The following FAM193A variants were observed in gnomAD, a reference collection of about 807,000 sequenced individuals.
FAM193A encodes the protein family with sequence similarity 193 member A.
FAM193A carries 22 observed loss-of-function variants against 126.5 expected under a neutral mutation model. That is an observed-to-expected ratio of 0.17 (90% CI 0.12 to 0.25). The LOEUF (loss-of-function observed/expected upper bound fraction) is 0.25. FAM193A is among the 10% of genes least tolerant of loss of function. The pLI is 1.00. For synonymous variants in FAM193A, 761 were observed against 646.8 expected, an observed-to-expected ratio of 1.18 and a Z score of -2.68; for missense variants, 1,675 against 1,672.8, an observed-to-expected ratio of 1.00 and a Z score of -0.02.
intron 13 of FAM193A, among the ~76,000 whole-genome samples, chr4:2,674,595 T>G (rs754600460): frequency 5.9e-5 from 9 of 152,208 alleles, no homozygotes; most frequent in Non-Finnish European, 1.2e-4. Context: ...GGGTCACAGT[T>G]TTTGCCTTTT....
chr4:2,629,294 G>C (rs1286899726), intron 4 of FAM193A, among the ~76,000 whole-genome samples: 2 of 151,322 alleles, frequency 1.3e-5, no homozygotes, highest in Non-Finnish European at 2.9e-5. Flanking sequence ...TTCTAAGTTT[G>C]GTTGTCTCTG....
chr4:2,579,258 G>A (rs1023514214), intron 1 of FAM193A, among the ~76,000 whole-genome samples: 5 of 152,088 alleles, frequency 3.3e-5, no homozygotes, highest in African/African-American at 1.2e-4. Context: ...ACTTTGGGAG[G>A]CCGAGGAGGG....
chr4:2,620,708 G>GGGT (rs145226577), intron 2 of FAM193A, among the ~76,000 whole-genome samples: 40,326 of 150,776 alleles, frequency 0.27, 5,825 homozygotes, highest in Middle Eastern at 0.39. Context: ...AATTAGCCAG[G>GGGT]GGTGGTGGTG....
intron 10 of FAM193A, among the ~76,000 whole-genome samples, chr4:2,662,255 A>G (rs770340577): frequency 3.3e-5 from 5 of 152,232 alleles, no homozygotes; most frequent in African/African-American, 4.8e-5. Flanking sequence ...ATGTCTTGCT[A>G]AAGCTGATAT....
chr4:2,690,051 C>A (rs1038498231), intron 14 of FAM193A, among the ~76,000 whole-genome samples: 3 of 152,206 alleles, frequency 2.0e-5, no homozygotes, highest in Non-Finnish European at 2.9e-5. Flanking sequence ...AGACCTCAGC[C>A]CCCCCGGTGC....
At chr4:2,610,084 T>C (rs1277374964) in intron 2 of FAM193A, among the ~76,000 whole-genome samples, 1 of 147,266 alleles carries the variant, frequency 6.8e-6, no homozygotes, top group Non-Finnish European at 1.5e-5. Flanking sequence ...ATACAAAAAT[T>C]AGTTGGGCTT....
intron 19 of FAM193A, among the ~76,000 whole-genome samples, chr4:2,703,798 T>C (rs1718003134): frequency 1.0e-5 from 1 of 95,474 alleles, no homozygotes; most frequent in Middle Eastern, 4.8e-3. Context: ...ACCCCATCTC[T>C]ACTAAAAAAA....
Position 2,700,032 on chromosome 4 carries a change from G to C in FAM193A, c.3860G>C (p.Arg1287Thr), listed in dbSNP as rs144805843. The C allele has an allele frequency of 1.2e-6, 2 of 1,613,944 alleles. No homozygotes were observed. The highest frequency in any genetic ancestry group is 1.7e-6 in the Non-Finnish European group (2 of 1,179,996). ...AGGCATATGAACCACTCAGAGCCCA[G>C]GCCAGGGCTAGGGGCTGATGGGGAT... ...PSRHMNHSEPRPGLGADGDAA... is the reference protein window; with the variant it reads ...PSRHMNHSEPTPGLGADGDAA... Residue 1287 changes from arginine (R) to threonine (T), a missense_variant, in exon 19 of 21, where the codon AGG becomes ACG. By Grantham distance (71) the Arg-to-Thr change is moderately conservative. Coordinates refer to ENST00000637812, the MANE Select transcript of FAM193A (RefSeq NM_001366318.2).
chr4:2,703,622 G>A (rs1174079885), intron 19 of FAM193A, among the ~76,000 whole-genome samples: 2 of 152,070 alleles, frequency 1.3e-5, no homozygotes, highest in African/African-American at 2.4e-5. Context: ...ATATTGTTTG[G>A]AGGTGTTTCC....
rs779666954 is a variant in FAM193A at position 2,663,010 on chromosome 4, C to T, written c.1899+19C>T. 1.9e-5 allele frequency: 30 copies of T among 1,600,296 alleles called. No individual in the cohort carries two copies. Among genetic ancestry groups the T allele is most frequent in the Non-Finnish European group, 2.4e-5 (28 of 1,168,814 alleles). ...GGATGAGGTATGGACATGGCTTCTT[C>T]GTAGCAACAATAAATGACATAAAAT... On this transcript the variant is annotated intron_variant, in intron 11 of 20. Coordinates refer to ENST00000637812, the MANE Select transcript of FAM193A (RefSeq NM_001366318.2).
In FAM193A at chr4:2,621,870, C is replaced by G. The variant is rs565625822; in HGVS notation, c.502-3392C>G. On this transcript the variant is annotated intron_variant, in intron 2 of 20. Transcript: ENST00000637812. ...TACCACTGCCCTCTCCTTGCCCTAC[C>G]ATGCCTCTTCAGTCAGAACTCCATG... Among the ~76,000 whole-genome samples, 19 of 152,250 alleles carry G rather than the reference C, an allele frequency of 1.2e-4. No homozygotes were observed. In the East Asian group the frequency reaches 3.7e-3, roughly 29 times the overall value.
At chr4:2,616,228 TCATCAG>T (rs1202127088) in intron 2 of FAM193A, among the ~76,000 whole-genome samples, 16 of 152,260 alleles carry the variant, frequency 1.1e-4, no homozygotes, top group Admixed American at 8.5e-4. Context: ...ACCACCATCA[TCATCAG>T]CATCAGCATC....
intron 2 of FAM193A, among the ~76,000 whole-genome samples, chr4:2,616,865 C>T (rs1742220084): frequency 6.7e-6 from 1 of 149,680 alleles, no homozygotes; most frequent in African/African-American, 2.4e-5. Flanking sequence ...CACGCCTGCC[C>T]AGTGAATTGA....
intron 10 of FAM193A, among the ~76,000 whole-genome samples, chr4:2,662,259 C>T (rs146407291): frequency 6.6e-6 from 1 of 152,230 alleles, no homozygotes; most frequent in African/African-American, 2.4e-5. Context: ...CTTGCTAAAG[C>T]TGATATTTAA....
intron 20 of FAM193A, among the ~76,000 whole-genome samples, chr4:2,721,140 C>A (rs562238311): frequency 6.6e-6 from 1 of 151,922 alleles, no homozygotes; most frequent in Non-Finnish European, 1.5e-5. Flanking sequence ...GGTGAAACCC[C>A]GTCTCTACTA....
intron 20 of FAM193A, among the ~76,000 whole-genome samples, chr4:2,728,062 G>T (rs1720953024): frequency 1.3e-5 from 2 of 151,958 alleles, no homozygotes; most frequent in Admixed American, 1.3e-4. Flanking sequence ...ATCCTGGGTA[G>T]CTGGGATTAC....
At chr4:2,649,279 G>T (rs1237843592) in intron 7 of FAM193A, among the ~76,000 whole-genome samples, 1 of 151,798 alleles carries the variant, frequency 6.6e-6, no homozygotes, top group African/African-American at 2.4e-5. Context: ...GAGAGTGAGT[G>T]GGGGAGGATC....
chr4:2,631,477 TTTATA>T (rs1321647100), intron 5 of FAM193A, among the ~76,000 whole-genome samples: 1 of 152,184 alleles, frequency 6.6e-6, no homozygotes, highest in African/African-American at 2.4e-5. Context: ...GATGTGTGCC[TTTATA>T]AGGAGACAGA....
At position 2,631,183 on chromosome 4, in the gene FAM193A, C is replaced by T. The variant is rs201858739; in HGVS notation, c.1038+14C>T. On this transcript the variant is annotated intron_variant, in intron 5 of 20. Coordinates refer to ENST00000637812, the MANE Select transcript of FAM193A (RefSeq NM_001366318.2). Reference sequence around the variant, plus strand: ...CTTGGCACTCTGGTAAGAGAGAAAACGTGTTTTTCTTTCTGTTTGGATGAG... The same window carrying T: ...CTTGGCACTCTGGTAAGAGAGAAAATGTGTTTTTCTTTCTGTTTGGATGAG... 5 of 1,587,922 alleles carry T rather than the reference C, an allele frequency of 3.1e-6. No individual in the cohort carries two copies. Among genetic ancestry groups the T allele is most frequent in the East Asian group, 2.3e-5 (1 of 44,338 alleles).
Sources: gnomAD v4.1 joint callset for allele counts (sites outside exome capture counted in the v4.1 genomes callset) on GRCh38, gnomAD v4.1.1 for gene constraint, MANE v1.5 for transcripts, NCBI Gene and HGNC (gene_info 2026-07-23, HGNC 2026-07-21) for gene names.